The following NTRK2 variants were observed in gnomAD, a reference collection of about 807,000 sequenced individuals.
The protein encoded by NTRK2 is BDNF/NT-3 growth factors receptor.
Under a neutral mutation model 94.5 loss-of-function variants are expected in NTRK2, and 13 were observed. The observed-to-expected ratio is 0.14, with a 90% CI of 0.09 to 0.22. The LOEUF is 0.22. NTRK2 is among the 10% of genes least tolerant of loss of function. The probability of loss-of-function intolerance (pLI) is 1.00; values close to 1 mark genes in which losing one functional copy is unlikely to be tolerated. For synonymous variants in NTRK2, 372 were observed against 407.4 expected, an observed-to-expected ratio of 0.91 and a Z score of 1.05; for missense variants, 639 against 1,071.2, an observed-to-expected ratio of 0.60 and a Z score of 5.63.
chr9:84,709,775 G>A (rs1037299067), intron 5 of NTRK2, among the ~76,000 whole-genome samples: 1 of 152,130 alleles, frequency 6.6e-6, no homozygotes, highest in Admixed American at 6.5e-5. Flanking sequence ...TTACAAATAA[G>A]CATTTAAAGA....
chr9:84,803,095 T>C (rs1387779810), intron 12 of NTRK2, among the ~76,000 whole-genome samples: 2 of 152,086 alleles, frequency 1.3e-5, no homozygotes, highest in African/African-American at 4.8e-5. Context: ...AACCTAAGCT[T>C]CCCCAGATAC....
At chr9:84,816,761 A>G (rs1369643796) in intron 12 of NTRK2, among the ~76,000 whole-genome samples, 3 of 139,370 alleles carry the variant, frequency 2.2e-5, no homozygotes, top group Admixed American at 1.5e-4. Context: ...CCTGGATGAC[A>G]CAGCAAGACT....
At chr9:84,927,762 A>G (rs1053307321) in intron 14 of NTRK2, among the ~76,000 whole-genome samples, 1 of 152,164 alleles carries the variant, frequency 6.6e-6, no homozygotes, top group African/African-American at 2.4e-5. Flanking sequence ...CCAGATTGCT[A>G]TGACAATTGG....
intron 9 of NTRK2, among the ~76,000 whole-genome samples, chr9:84,733,812 C>A (rs1160463261): frequency 6.6e-6 from 1 of 152,184 alleles, no homozygotes; most frequent in Non-Finnish European, 1.5e-5. Context: ...AATCTTCTTT[C>A]TTGTGGAAGC....
intron 16 of NTRK2, among the ~76,000 whole-genome samples, chr9:84,949,443 GGGATTTATTT>G (rs2078704458): frequency 8.2e-6 from 1 of 121,672 alleles, no homozygotes; most frequent in Non-Finnish European, 1.8e-5. Flanking sequence ...CTGATTGGTT[GGGATTTATTT>G]ATTTATTTAT....
intron 9 of NTRK2, among the ~76,000 whole-genome samples, chr9:84,739,146 G>A (rs572724954): frequency 2.4e-4 from 36 of 152,256 alleles, no homozygotes; most frequent in African/African-American, 8.7e-4. Flanking sequence ...CGCCTCCTGA[G>A]TTCAAGCGAT....
At chr9:84,701,489 G>A (rs1022053227) in intron 2 of NTRK2, among the ~76,000 whole-genome samples, 2 of 152,068 alleles carry the variant, frequency 1.3e-5, no homozygotes, top group Non-Finnish European at 1.5e-5. Context: ...CAAAGGGATG[G>A]AGTTTTCTCT....
At chr9:84,910,719 T>G (rs1164460976) in intron 14 of NTRK2, among the ~76,000 whole-genome samples, 1 of 152,212 alleles carries the variant, frequency 6.6e-6, no homozygotes, top group Non-Finnish European at 1.5e-5. Flanking sequence ...GGGTTCTCTC[T>G]TCTGTTCTAT....
chr9:85,009,802 A>G (rs1234107771), intron 17 of NTRK2, among the ~76,000 whole-genome samples: 1 of 152,180 alleles, frequency 6.6e-6, no homozygotes, highest in Non-Finnish European at 1.5e-5. Context: ...TAGAACCATA[A>G]TGATGCCAGG....
chr9:84,814,799 C>T, intron 12 of NTRK2: 1 of 1,064,350 alleles, frequency 9.4e-7, no homozygotes, highest in Non-Finnish European at 1.1e-6. Flanking sequence ...TGCATCCAGC[C>T]ACATGGGCAG....
rs976026668 is a variant in NTRK2, at chr9:85,026,400, G to A, written c.*4963G>A. Reference sequence around the variant, plus strand: ...TACTGGAGCAAGCATCATAAAAGCTGCTAGTAGCCATGTGTTTGAACAGGA... The same window carrying A: ...TACTGGAGCAAGCATCATAAAAGCTACTAGTAGCCATGTGTTTGAACAGGA... On this transcript the variant is annotated 3_prime_UTR_variant, in exon 19 of 19. Transcript: ENST00000277120. 2.2e-5 allele frequency: 5 copies of A among 231,862 alleles called. No homozygotes were observed. The highest frequency in any genetic ancestry group is 6.6e-5 in the African/African-American group (3 of 45,242). The allele number at this position is 231,862 out of a possible 1,614,324, so 14.4% of individuals were successfully genotyped here.
intron 2 of NTRK2, among the ~76,000 whole-genome samples, chr9:84,683,606 T>A (rs537665332): frequency 1.3e-5 from 2 of 152,198 alleles, no homozygotes; most frequent in Non-Finnish European, 2.9e-5. Context: ...GGCATTTTGG[T>A]TGGTTCCAAG....
At chr9:84,728,529 G>A (rs532823381) in intron 9 of NTRK2, among the ~76,000 whole-genome samples, 10 of 152,202 alleles carry the variant, frequency 6.6e-5, no homozygotes, top group South Asian at 2.1e-4. Flanking sequence ...AACCGCAAGC[G>A]CAGGAACTGT....
chr9:84,794,689 AT>A (rs1196233362), intron 12 of NTRK2, among the ~76,000 whole-genome samples: 6 of 152,190 alleles, frequency 3.9e-5, no homozygotes, highest in African/African-American at 9.7e-5. Context: ...GAGCTTTATA[AT>A]TATGGTAGAG....
At chr9:84,889,067 T>C (rs962967081) in intron 14 of NTRK2, among the ~76,000 whole-genome samples, 24 of 137,754 alleles carry the variant, frequency 1.7e-4, no homozygotes, top group African/African-American at 6.3e-4. Context: ...CTCGGCTCAC[T>C]GCAAGCTCCG....
intron 2 of NTRK2, among the ~76,000 whole-genome samples, chr9:84,693,336 A>G (rs1390788613): frequency 6.6e-6 from 1 of 152,172 alleles, no homozygotes; most frequent in Non-Finnish European, 1.5e-5. Flanking sequence ...AGAGACCTAT[A>G]TGTTTTATGA....
chr9:84,703,907 T>C (rs2060883444), intron 4 of NTRK2, among the ~76,000 whole-genome samples: 1 of 152,192 alleles, frequency 6.6e-6, no homozygotes, highest in Admixed American at 6.5e-5. Context: ...AGAAGTTGGA[T>C]AGAAGAAAAA....
rs558576512 is a variant in NTRK2, at chr9:84,924,461, T to C, written c.1634-9701T>C. 8.5e-5 allele frequency among the ~76,000 whole-genome samples: 13 copies of C among 152,242 alleles called. No homozygotes were observed. The East Asian group carries it at 2.1e-3, about 25-fold the overall frequency. On this transcript the variant is annotated intron_variant, in intron 14 of 18. Transcript: ENST00000277120. Reference sequence around the variant, plus strand: ...GATTTTGTACAATCACGCTGCATAATGATTCTTGAAAATACAAACATTGCC... The same window carrying C: ...GATTTTGTACAATCACGCTGCATAACGATTCTTGAAAATACAAACATTGCC...
intron 14 of NTRK2, among the ~76,000 whole-genome samples, chr9:84,904,214 C>G (rs2077010949): frequency 6.6e-6 from 1 of 152,194 alleles, no homozygotes; most frequent in African/African-American, 2.4e-5. Context: ...GAATCACATA[C>G]AATGCTGTAA....
Sources: allele counts gnomAD v4.1 joint callset (sites outside exome capture counted in the v4.1 genomes callset), GRCh38; gene constraint gnomAD v4.1.1; transcripts MANE v1.5; gene names NCBI Gene and HGNC (gene_info 2026-07-23, HGNC 2026-07-21).